Variants in SHANK1 observed in about 807,000 individuals in gnomAD.
SHANK1 encodes the protein SH3 and multiple ankyrin repeat domains 1, also known as SH3 and multiple ankyrin repeat domains protein 1.
Under a neutral mutation model 165.6 loss-of-function variants are expected in SHANK1, and 35 were observed. The ratio of observed to expected loss-of-function variants is 0.21; its 90% CI spans 0.16 to 0.28. The LOEUF is 0.28. Among genes scored for constraint, SHANK1 ranks in the 10% least tolerant of loss-of-function variants. SHANK1 has a pLI of 1.00. For missense variants in SHANK1, 2,681 were observed against 3,036.4 expected, an observed-to-expected ratio of 0.88 and a Z score of 2.75; for synonymous variants, 1,428 against 1,384.8, an observed-to-expected ratio of 1.03 and a Z score of -0.69.
At chr19:50,689,453 G>C (rs1193970185) in intron 15 of SHANK1, 174 bp from the exon 16 acceptor site, 1 of 703,796 alleles carries the variant, frequency 1.4e-6, no homozygotes, top group South Asian at 1.5e-5. Flanking sequence ...TAGCCCTGAT[G>C]GGCTTCCCCC....
chr19:50,714,087 GAC>G, intron 5 of SHANK1, 93 bp downstream of exon 5: 4 of 1,522,050 alleles, frequency 2.6e-6, no homozygotes, highest in Non-Finnish European at 3.6e-6. Flanking sequence ...GTGTTTGGGA[GAC>G]ACCAGTCAGG....
chr19:50,695,182 G>A (rs1438092296), intron 15 of SHANK1, among the ~76,000 whole-genome samples: 2 of 145,962 alleles, frequency 1.4e-5, no homozygotes, highest in Admixed American at 6.8e-5. Context: ...CGCGCCGGGA[G>A]GGGGGAGGGG....
chr19:50,698,843 G>A (rs768559199), intron 12 of SHANK1, among the ~76,000 whole-genome samples: 10 of 152,214 alleles, frequency 6.6e-5, no homozygotes, highest in African/African-American at 9.6e-5. Flanking sequence ...TTCAGTGCAT[G>A]ACAAGGGCAC....
Position 50,668,359 on chromosome 19 carries a change from C to T in SHANK1, c.3601G>A (p.Ala1201Thr). 4 of 1,235,888 alleles carry T rather than the reference C, an allele frequency of 3.2e-6. No individual in the cohort carries two copies. The highest frequency in any genetic ancestry group is 4.1e-6 in the Non-Finnish European group (4 of 985,380). The allele number at this position is 1,235,888 out of a possible 1,614,324, so 76.6% of individuals were successfully genotyped here. Residue 1201 changes from alanine (A) to threonine (T), a missense_variant, in exon 23 of 24, where the codon GCC becomes ACC. By Grantham distance (58) the Ala-to-Thr change is moderately conservative. Transcript: ENST00000293441. ...GGGGGSSPSP[A>T]PAMSPVPPSP... Reference sequence around the variant, plus strand: ...GGGGGCACGGGTGACATGGCCGGGGCGGGGCTGGGCGAGGAGCCGCCGCCG... The same window carrying T: ...GGGGGCACGGGTGACATGGCCGGGGTGGGGCTGGGCGAGGAGCCGCCGCCG...
At chr19:50,706,005 A>G (rs2088934804) in intron 8 of SHANK1, among the ~76,000 whole-genome samples, 1 of 152,096 alleles carries the variant, frequency 6.6e-6, no homozygotes, top group Non-Finnish European at 1.5e-5. Context: ...GAAAATTTTA[A>G]AAAATTAGCC....
chr19:50,702,402 T>C lies in SHANK1; in HGVS notation c.1747+65A>G. The C allele has an allele frequency of 7.0e-7, 1 of 1,438,842 alleles. No individual in the cohort carries two copies. The highest frequency in any genetic ancestry group is 2.3e-5 in the East Asian group (1 of 42,916). 89.1% of individuals were successfully genotyped at this position (1,438,842 alleles called of 1,614,324 possible). A position where few individuals can be genotyped will look rare whatever the true frequency, so the allele number is the denominator to read the frequency against. On this transcript the variant is annotated intron_variant, in intron 12 of 23. Transcript: ENST00000293441. This position sits in a 1 kb window ranked among gnomAD's most constrained non-coding sequence, Gnocchi z 5.3. Reference sequence around the variant, plus strand: ...TGCCCGAGAATGGTCTGCTCTCTGCTCCACATTTTCCCTGATCGCCCCCAC... The same window carrying C: ...TGCCCGAGAATGGTCTGCTCTCTGCCCCACATTTTCCCTGATCGCCCCCAC...
chr19:50,666,277 G>A lies in SHANK1; in HGVS notation c.5683C>T (p.Arg1895Ter). The A allele has an allele frequency of 1.2e-6, 2 of 1,611,402 alleles. No homozygotes were observed. The highest frequency in any genetic ancestry group is 1.7e-6 in the Non-Finnish European group (2 of 1,179,236). The change falls in exon 23 of 24, where the codon CGA becomes TGA. Residue 1895 changes from arginine to a stop codon, truncating the protein, a stop_gained. Coordinates refer to ENST00000293441, the MANE Select transcript of SHANK1 (RefSeq NM_016148.5). LOFTEE classifies it high-confidence loss of function. ...SAAGGALPWA[R>*]GGSGGGGDSH... is the part of the protein sequence containing the mutation. ...TCTCCGCCTCCCCCACTGCCTCCTC[G>A]GGCCCAGGGCAGAGCGCCGCCAGCT...
chr19:50,700,376 AG>A (rs1272048047), intron 12 of SHANK1, among the ~76,000 whole-genome samples: 4 of 95,074 alleles, frequency 4.2e-5, no homozygotes, highest in Non-Finnish European at 8.8e-5. Context: ...AGGATTGGAG[AG>A]CTCAGGGCAT....
At chr19:50,675,872 T>TCCCTA (rs1369197972) in intron 21 of SHANK1, among the ~76,000 whole-genome samples, 5 of 152,114 alleles carry the variant, frequency 3.3e-5, no homozygotes, top group Non-Finnish European at 7.4e-5. Flanking sequence ...GGCGTGGTGG[T>TCCCTA]GCATGCCTAC....
chr19:50,679,961 G>A (rs978958965), intron 21 of SHANK1, among the ~76,000 whole-genome samples: 2 of 151,766 alleles, frequency 1.3e-5, no homozygotes, highest in African/African-American at 4.8e-5. Context: ...GAGACAGAGA[G>A]ACAAAGGCAG....
intron 21 of SHANK1, among the ~76,000 whole-genome samples, chr19:50,683,353 T>C (rs950517255): frequency 4.3e-4 from 65 of 152,328 alleles, no homozygotes; most frequent in African/African-American, 1.5e-3. Flanking sequence ...TTGTGTTATA[T>C]GGGGTTGCCA....
chr19:50,686,961 G>A lies in SHANK1; in HGVS notation c.2390-149C>T. ...AGGGGCCGGGGTCAGGGAGGGGCGA[G>A]TCCGCCGGCGGGGTCGGGAGACGGG... is the stretch of plus-strand genomic sequence containing the variant. On this transcript the variant is annotated intron_variant, in intron 19 of 23. Coordinates refer to ENST00000293441, the MANE Select transcript of SHANK1 (RefSeq NM_016148.5). The surrounding 1 kb of genome is among the most constrained non-coding windows in gnomAD (Gnocchi z 5.7). 1 of 1,366,058 alleles carries A rather than the reference G, an allele frequency of 7.3e-7. No individual in the cohort carries two copies. The highest frequency in any genetic ancestry group is 1.6e-5 in the South Asian group (1 of 62,192). 84.6% of individuals were successfully genotyped at this position (1,366,058 alleles called of 1,614,324 possible).
In SHANK1 at chr19:50,666,883, T is replaced by C; in HGVS notation, c.5077A>G (p.Ser1693Gly). Residue 1693 changes from serine (S) to glycine (G), a missense_variant, in exon 23 of 24, where the codon AGC (serine) becomes GGC (glycine). By Grantham distance (56) the Ser-to-Gly change is moderately conservative (BLOSUM62 0). Around this residue, in one of 10 missense-constraint regions of SHANK1, gnomAD observed 1,713 missense variants for 1,630.2 expected, o/e 1.05. Transcript: ENST00000293441. Reference protein sequence around the residue: ...SSDHPLETISSASTLSSLSAE... With the variant: ...SSDHPLETISGASTLSSLSAE... ...GATAGGCTGCTCAGCGTGGAGGCGC[T>C]GCTGATGGTCTCCAGTGGGTGGTCA... The C allele has an allele frequency of 6.3e-7, 1 of 1,587,792 alleles. No individual in the cohort carries two copies. Among genetic ancestry groups the C allele is most frequent in the Non-Finnish European group, 8.6e-7 (1 of 1,168,926 alleles).
In SHANK1 at chr19:50,703,633, G is replaced by A; in HGVS notation, c.1420C>T (p.Pro474Ser). 6.5e-7 allele frequency: 1 copy of A among 1,544,056 alleles called. No individual in the cohort carries two copies. ...PTSGSQGQSQ[P>S]SAPTTKLSSG... ...CTGAGCTTGGTGGTGGGGGCCGAGGGCTGCGACTGGCCCTGGGACCCTGAG... is the reference window on the plus strand; with the variant it reads ...CTGAGCTTGGTGGTGGGGGCCGAGGACTGCGACTGGCCCTGGGACCCTGAG... The change falls in exon 11 of 24, where the codon CCC (proline) becomes TCC (serine). Residue 474 changes from proline (P) to serine (S), a missense_variant. By Grantham distance (74) the Pro-to-Ser change is moderately conservative. Transcript: ENST00000293441.
At chr19:50,707,886 CTTTTCTTTTCTTTTCTTTTCTTTTCTTT>C (rs869269206) in intron 8 of SHANK1, among the ~76,000 whole-genome samples, 3,541 of 17,630 alleles carry the variant, frequency 0.2, 104 homozygotes, top group Admixed American at 0.22. Context: ...TTTTTCTTTT[CTTTTCTTTTCTTTTCTTTTCTTTTCTTT>C]TCTTTTCTTT....
At position 50,688,663 on chromosome 19, in the gene SHANK1, C is replaced by G. The variant is rs937661051; in HGVS notation, c.2172+181G>C. Among the ~76,000 whole-genome samples the G allele has an allele frequency of 3.3e-5, 5 of 152,128 alleles. No individual in the cohort carries two copies. The highest frequency in any genetic ancestry group is 2.9e-5 in the Non-Finnish European group (2 of 68,018). ...AGCTCTGTGTCACTCTTTTGAGATG[C>G]CTCAGAGGCCTTTAGATGGAATCGC... On this transcript the variant is annotated intron_variant, in intron 17 of 23. Transcript: ENST00000293441. This position sits in a 1 kb window ranked among gnomAD's most constrained non-coding sequence, Gnocchi z 6.7.
intron 12 of SHANK1, among the ~76,000 whole-genome samples, chr19:50,700,898 C>A (rs562903041): frequency 3.4e-4 from 51 of 152,226 alleles, no homozygotes; most frequent in African/African-American, 1.2e-3. Flanking sequence ...TGAATTTGAT[C>A]ATTCATTCAC....
intron 9 of SHANK1, 108 bp downstream of exon 9, chr19:50,704,329 C>A (rs759568371): frequency 1.5e-6 from 2 of 1,320,864 alleles, no homozygotes; most frequent in South Asian, 1.2e-5. Context: ...TCCCCCTCCA[C>A]GGCCTGTCTC....
rs1306040064 is a variant in SHANK1, at chr19:50,662,860, C to G, written c.5769-178G>C. Among the ~76,000 whole-genome samples the G allele has an allele frequency of 1.3e-5, 2 of 150,560 alleles. No individual in the cohort carries two copies. The highest frequency in any genetic ancestry group is 2.0e-4 in the East Asian group (1 of 5,126). ...AGCAAGGGGTAAGACGGCCGGCCGTCGAGGAAAGAAATGAAGGGAGAGAAA... is the reference window on the plus strand; with the variant it reads ...AGCAAGGGGTAAGACGGCCGGCCGTGGAGGAAAGAAATGAAGGGAGAGAAA... On this transcript the variant is annotated intron_variant, in intron 23 of 23. Transcript: ENST00000293441. This position sits in a 1 kb window ranked among gnomAD's most constrained non-coding sequence, Gnocchi z 7.7.
Sources: gnomAD v4.1 joint callset for allele counts (sites outside exome capture counted in the v4.1 genomes callset) on GRCh38, gnomAD v4.1.1 for gene constraint, gnomAD v4.1.1 regional missense constraint, Gnocchi (gnomAD v3.1) non-coding constraint, MANE v1.5 for transcripts, NCBI Gene and HGNC (gene_info 2026-07-23, HGNC 2026-07-21) for gene names.